The following CKAP5 variants were observed in gnomAD, a reference collection of about 807,000 sequenced individuals.
CKAP5 encodes cytoskeleton-associated protein 5.
A neutral mutation model predicts 232.8 loss-of-function variants in CKAP5; 27 were observed. The ratio of observed to expected loss-of-function variants is 0.12; its 90% CI spans 0.09 to 0.16. The LOEUF is 0.16. Ranked by LOEUF, CKAP5 falls within the 10% of genes least tolerant of loss-of-function variation. The pLI is 1.00. For synonymous variants in CKAP5, 785 were observed against 841.1 expected, an observed-to-expected ratio of 0.93 and a Z score of 1.16; for missense variants, 1,838 against 2,424.7, an observed-to-expected ratio of 0.76 and a Z score of 5.08.
rs951405505 is a variant in CKAP5, at chr11:46,749,457, GA to G, written c.5704+816del. The stretch of plus-strand genomic sequence containing the variant: ...GTGACAGGGTGAGACTCCGTCTCAA[GA>G]AAAAAAAAAAAAAAAAAAAAATCTA... On this transcript the variant is annotated intron_variant, in intron 42 of 43. Transcript: ENST00000529230. 5.4e-3 allele frequency among the ~76,000 whole-genome samples: 413 copies of G among 76,498 alleles called. 3 individuals carry two copies. Among genetic ancestry groups the G allele is most frequent in the Middle Eastern group, 0.01 (1 of 96 alleles). 50.2% of individuals were successfully genotyped at this position (76,498 alleles called of 152,430 possible).
In CKAP5 at chr11:46,813,643, C is replaced by T. The variant is rs140662561; in HGVS notation, c.459-2465G>A. 2.1e-3 allele frequency among the ~76,000 whole-genome samples: 320 copies of T among 152,166 alleles called. 5 individuals are homozygous for T. The highest frequency in any genetic ancestry group is 6.8e-3 in the Middle Eastern group (2 of 294). On this transcript the variant is annotated intron_variant, in intron 4 of 43. Coordinates refer to ENST00000529230, the MANE Select transcript of CKAP5 (RefSeq NM_001008938.4). ...GTTCTTGAGGGTCCCAGAGAGCTAC[C>T]TAGTTAAACTATAGACTCTGAAATG...
chr11:46,809,932 C>G lies in CKAP5; in HGVS notation c.631-58G>C, dbSNP rs891705286. The G allele has an allele frequency of 4.7e-6, 7 of 1,476,588 alleles. No homozygotes were observed. The African/African-American group carries it at 5.7e-5, about 12-fold the overall frequency. 91.5% of individuals were successfully genotyped at this position (1,476,588 alleles called of 1,614,324 possible). A position where few individuals can be genotyped will look rare whatever the true frequency, so the allele number is the denominator to read the frequency against. ...TGCATCTCCACCATTAGTTAACATA[C>G]TTAATACTTACATTTATTGACATAT... On this transcript the variant is annotated intron_variant, in intron 5 of 43. Coordinates refer to ENST00000529230, the MANE Select transcript of CKAP5 (RefSeq NM_001008938.4).
In CKAP5 at chr11:46,744,197, T is replaced by C. The variant is rs779102740; in HGVS notation, c.5925A>G (p.Thr1975=). The C allele has an allele frequency of 1.2e-6, 2 of 1,614,148 alleles. No homozygotes were observed. Among genetic ancestry groups the C allele is most frequent in the Non-Finnish European group, 8.5e-7 (1 of 1,180,024 alleles). Residue 1975 remains threonine (T), a synonymous_variant, in exon 44 of 44, where the codon ACA becomes ACG. Transcript: ENST00000529230. ...KPAVPTVASS[T]DMLHSKLSQL... ...GAGAGAGTTTGCTGTGGAGCATGTC[T>C]GTGGAAGAGGCGACAGTAGGAACTG...
In CKAP5 at chr11:46,795,715, T is replaced by G. The variant is rs762030263; in HGVS notation, c.1529A>C (p.Asp510Ala). The G allele has an allele frequency of 9.9e-6, 16 of 1,614,126 alleles. No homozygotes were observed. The South Asian group carries it at 1.1e-4, about 11-fold the overall frequency. ...IHGKKAGLAA[D>A]KKEFKPLPGR... ...AGGCAGAGGTTTGAATTCCTTCTTA[T>G]CAGCAGCTAGTCCAGCTTTCTTACC... Residue 510 changes from aspartate to alanine, a missense_variant, in exon 13 of 44, where the codon GAT (aspartate) becomes GCT (alanine). Asp to Ala is a moderately radical substitution (Grantham distance 126). Coordinates refer to ENST00000529230, the MANE Select transcript of CKAP5 (RefSeq NM_001008938.4).
chr11:46,767,898 T>C (rs987852454), intron 26 of CKAP5, among the ~76,000 whole-genome samples: 1 of 152,052 alleles, frequency 6.6e-6, no homozygotes, highest in Non-Finnish European at 1.5e-5. Context: ...GCTCAATGAA[T>C]TCTCCCACCT....
chr11:46,761,576 T>C (rs965008859), intron 32 of CKAP5, among the ~76,000 whole-genome samples: 5 of 152,208 alleles, frequency 3.3e-5, no homozygotes, highest in Non-Finnish European at 4.4e-5. Context: ...CAGAACCTAA[T>C]GTGAGTGAAA....
intron 1 of CKAP5, 103 bp from the exon 2 acceptor site, chr11:46,821,371 G>T: frequency 2.9e-5 from 12 of 407,430 alleles, no homozygotes; most frequent in East Asian, 5.3e-5. Context: ...AACAACAAGA[G>T]TAAAAATCCC....
intron 42 of CKAP5, among the ~76,000 whole-genome samples, chr11:46,750,038 C>T (rs1261672402): frequency 6.6e-6 from 1 of 151,806 alleles, no homozygotes; most frequent in Non-Finnish European, 1.5e-5. Flanking sequence ...GAACTGGAAG[C>T]GAAGTGAAGA....
chr11:46,816,475 G>T (rs1939404744), intron 3 of CKAP5, 71 bp from the exon 4 acceptor site: 2 of 1,129,432 alleles, frequency 1.8e-6, no homozygotes, highest in East Asian at 4.7e-5. Context: ...CGGAAAGGGG[G>T]TGTACTAGTA....
intron 24 of CKAP5, among the ~76,000 whole-genome samples, chr11:46,772,976 G>A (rs1316346303): frequency 1.3e-5 from 2 of 152,072 alleles, no homozygotes; most frequent in Admixed American, 6.6e-5. Flanking sequence ...TCTTGACCTC[G>A]TGATCTGCCC....
chr11:46,792,177 T>C (rs1938743928), intron 13 of CKAP5, among the ~76,000 whole-genome samples: 1 of 150,052 alleles, frequency 6.7e-6, no homozygotes, highest in Non-Finnish European at 1.5e-5. Flanking sequence ...TAGCATTCTC[T>C]ATATGGAGAG....
Position 46,780,317 on chromosome 11 carries a change from A to T in CKAP5, c.2310T>A (p.Ala770=). 6.2e-7 allele frequency: 1 copy of T among 1,614,090 alleles called. No homozygotes were observed. The highest frequency in any genetic ancestry group is 8.5e-7 in the Non-Finnish European group (1 of 1,179,988). The change falls in exon 20 of 44, where the codon GCT becomes GCA. Residue 770 remains alanine (A), a splice_region_variant and synonymous_variant. Transcript: ENST00000529230. ...GCAGGGTTATGGCAGCAGTCCTCAC[A>T]GCCTGCCAGACAGAAGAAAAATAAC... ...VKTALAATNP[A]VRTAAITLLG...
At chr11:46,788,594 C>A in intron 16 of CKAP5, 87 bp downstream of exon 16, 1 of 811,064 alleles carries the variant, frequency 1.2e-6, no homozygotes. Context: ...AAAATCATTA[C>A]GAAAACTATT....
intron 9 of CKAP5, among the ~76,000 whole-genome samples, chr11:46,799,392 T>C (rs1938974319): frequency 6.6e-6 from 1 of 152,136 alleles, no homozygotes; most frequent in Non-Finnish European, 1.5e-5. Flanking sequence ...GGACTATGGT[T>C]CCCATGGAAA....
chr11:46,795,116 G>A (rs1938838535), intron 13 of CKAP5, among the ~76,000 whole-genome samples: 1 of 152,096 alleles, frequency 6.6e-6, no homozygotes, highest in African/African-American at 2.4e-5. Context: ...ATCACCTGAG[G>A]TCAGGAGTTC....
chr11:46,767,722 A>C, intron 26 of CKAP5, 59 bp from the exon 27 acceptor site: 1 of 1,071,838 alleles, frequency 9.3e-7, no homozygotes, highest in Non-Finnish European at 1.4e-6. Flanking sequence ...TTTATTTTGG[A>C]CAGGTTAAAT....
intron 1 of CKAP5, among the ~76,000 whole-genome samples, chr11:46,829,832 TTTTGTATG>T (rs1207591736): frequency 8.2e-6 from 1 of 121,718 alleles, no homozygotes. Context: ...CTAATTCCTT[TTTTGTATG>T]TGTGTGTGTG....
At position 46,750,415 on chromosome 11, in the gene CKAP5, C is replaced by G; in HGVS notation, c.5563G>C (p.Glu1855Gln). Residue 1855 changes from glutamate to glutamine, a missense_variant, in exon 42 of 44, where the codon GAA becomes CAA. Coordinates refer to ENST00000529230, the MANE Select transcript of CKAP5 (RefSeq NM_001008938.4). ...NTKEGLAELY[E>Q]YKKKYSDADI... ...GCATCTGAGTATTTCTTCTTATATT[C>G]ATATAACTCTGCTAGTCCCTGGTGA... The G allele has an allele frequency of 6.2e-7, 1 of 1,614,064 alleles. No homozygotes were observed. The highest frequency in any genetic ancestry group is 8.5e-7 in the Non-Finnish European group (1 of 1,179,962).
At chr11:46,821,306 G>A in intron 1 of CKAP5, 38 bp from the exon 2 acceptor site, 1 of 975,496 alleles carries the variant, frequency 1.0e-6, no homozygotes, top group Admixed American at 2.0e-5. Flanking sequence ...TAGCAACCAG[G>A]CAGTCTCTTA....
Sources: gnomAD v4.1 joint callset for allele counts (sites outside exome capture counted in the v4.1 genomes callset) on GRCh38, gnomAD v4.1.1 for gene constraint, MANE v1.5 for transcripts, NCBI Gene and HGNC (gene_info 2026-07-23, HGNC 2026-07-21) for gene names.